The following PHACTR2 variants were observed in gnomAD, a reference collection of about 807,000 sequenced individuals.
PHACTR2 encodes phosphatase and actin regulator 2, also known as chromosome 6 open reading frame 56.
PHACTR2 carries 30 observed loss-of-function variants against 76.0 expected under a neutral mutation model. That is an observed-to-expected ratio of 0.39 (90% confidence interval 0.30 to 0.54). The LOEUF (loss-of-function observed/expected upper bound fraction) is 0.54. PHACTR2 is among the 20% of genes least tolerant of loss of function. The pLI is 0.61. For synonymous variants in PHACTR2, 292 were observed against 292.5 expected, an observed-to-expected ratio of 1.00 and a Z score of 0.02; for missense variants, 696 against 781.1, an observed-to-expected ratio of 0.89 and a Z score of 1.30.
At position 143,618,213 on chromosome 6, in the gene PHACTR2, G is replaced by A. The variant is rs183601652; in HGVS notation, c.13+9891G>A. ...TACCACAGGCGCCCTGCTTTTTAGT[G>A]ATAGAGAAATAGGTCCTGTTCCACC... On this transcript the variant is annotated intron_variant, in intron 1 of 11. Coordinates refer to the PHACTR2 transcript ENST00000305766. This position sits in a 1 kb window ranked among gnomAD's most constrained non-coding sequence, Gnocchi z 5.2. Among the ~76,000 whole-genome samples the A allele has an allele frequency of 5.9e-5, 9 of 151,896 alleles. No individual in the cohort carries two copies. Among genetic ancestry groups the A allele is most frequent in the Admixed American group, 5.9e-4 (9 of 15,232 alleles).
chr6:143,717,344 A>G (rs1778326693), intron 2 of PHACTR2, among the ~76,000 whole-genome samples: 1 of 152,128 alleles, frequency 6.6e-6, no homozygotes, highest in Admixed American at 6.5e-5. Flanking sequence ...TCCTGTTAGG[A>G]CATGTTTATT....
Position 143,807,282 on chromosome 6 carries a change from T to A in PHACTR2, c.1922+149T>A. On this transcript the variant is annotated intron_variant, in intron 12 of 12. Coordinates refer to ENST00000440869, the MANE Select transcript of PHACTR2 (RefSeq NM_001100164.2). The surrounding 1 kb of genome is among the most constrained non-coding windows in gnomAD (Gnocchi z 5.5). Reference sequence around the variant, plus strand: ...AAAAATGTTTTTAAACAGTTTAGCTTAAAACCATCTTATGAACATTTCCGC... The same window carrying A: ...AAAAATGTTTTTAAACAGTTTAGCTAAAAACCATCTTATGAACATTTCCGC... The A allele has an allele frequency of 1.7e-6, 1 of 582,394 alleles. No homozygotes were observed. The highest frequency in any genetic ancestry group is 3.1e-6 in the Non-Finnish European group (1 of 324,354). 36.1% of individuals were successfully genotyped at this position (582,394 alleles called of 1,614,324 possible).
Position 143,818,925 on chromosome 6 carries a change from CTT to C in PHACTR2, c.1923-4747_1923-4746del, listed in dbSNP as rs1776358445. Among the ~76,000 whole-genome samples the C allele has an allele frequency of 1.3e-5, 2 of 152,162 alleles. No homozygotes were observed. Among genetic ancestry groups the C allele is most frequent in the Non-Finnish European group, 2.9e-5 (2 of 68,022 alleles). The stretch of plus-strand genomic sequence containing the variant: ...TTGATTTAAGAGGTTTTCAGTTACT[CTT>C]TGAAATATTTTTATAGAACTTCCAT... On this transcript the variant is annotated intron_variant, in intron 12 of 12. Coordinates refer to ENST00000440869, the MANE Select transcript of PHACTR2 (RefSeq NM_001100164.2). This position sits in a 1 kb window ranked among gnomAD's most constrained non-coding sequence, Gnocchi z 4.9.
intron 1 of PHACTR2, among the ~76,000 whole-genome samples, chr6:143,566,569 G>A (rs1562238451): frequency 6.6e-6 from 1 of 152,270 alleles, no homozygotes; most frequent in East Asian, 1.9e-4. Context: ...TTTCCAAAGT[G>A]CTTGGATTAC....
chr6:143,743,383 G>A lies in PHACTR2; in HGVS notation c.215-5602G>A, dbSNP rs974350857. 1.3e-5 allele frequency among the ~76,000 whole-genome samples: 2 copies of A among 152,200 alleles called. No homozygotes were observed. The highest frequency in any genetic ancestry group is 2.9e-5 in the Non-Finnish European group (2 of 68,034). ...TTGGCTGCCGTTCCAAGTCCAGCTG[G>A]TTCCACAGACTGTAGAATTCTTTAG... On this transcript the variant is annotated intron_variant, in intron 2 of 12. Coordinates refer to ENST00000440869, the MANE Select transcript of PHACTR2 (RefSeq NM_001100164.2). This position sits in a 1 kb window ranked among gnomAD's most constrained non-coding sequence, Gnocchi z 5.0.
At chr6:143,564,185 G>A (rs1340858522) in intron 1 of PHACTR2, among the ~76,000 whole-genome samples, 4,266 of 55,870 alleles carry the variant, frequency 0.076, 210 homozygotes, top group Non-Finnish European at 0.12. Flanking sequence ...GTGTGTGTAT[G>A]TGTGTGTGTG....
chr6:143,622,534 C>A lies in PHACTR2; in HGVS notation c.13+14212C>A, dbSNP rs889436021. On this transcript the variant is annotated intron_variant, in intron 1 of 11. Transcript: ENST00000305766. ...CATGCTGGCTGACTCACTTCTTCTG[C>A]CATTGTTACCAAGCTACAGAATGTT... Among the ~76,000 whole-genome samples, 3 of 152,168 alleles carry A rather than the reference C, an allele frequency of 2.0e-5. 1 individual carries two copies. The highest frequency in any genetic ancestry group is 2.0e-4 in the Admixed American group (3 of 15,280).
chr6:143,594,721 T>C (rs1354233735), intron 1 of PHACTR2, among the ~76,000 whole-genome samples: 1 of 152,252 alleles, frequency 6.6e-6, no homozygotes, highest in Non-Finnish European at 1.5e-5. Context: ...GGCCTATACC[T>C]AGCCAGCCGC....
In PHACTR2 at chr6:143,765,591, C is replaced by T. The variant is rs759873838; in HGVS notation, c.1025C>T (p.Pro342Leu). Residue 342 changes from proline (P) to leucine (L), a missense_variant, in exon 6 of 13, where the codon CCA becomes CTA. Physicochemically the swap from Pro to Leu is moderately conservative, Grantham distance 98. This residue lies in a region of PHACTR2 where 460 missense variants were observed against 450.9 expected (regional missense o/e 1.02). Transcript: ENST00000440869. This position sits in a 1 kb window ranked among gnomAD's most constrained non-coding sequence, Gnocchi z 4.1. The part of the protein sequence containing the change: ...KSMVPPPPVA[P>L]APSPLAPPLP... Reference sequence around the variant, plus strand: ...ATGGTCCCTCCACCCCCTGTGGCTCCAGCACCTTCTCCTCTGGCCCCCCCT... The same window carrying T: ...ATGGTCCCTCCACCCCCTGTGGCTCTAGCACCTTCTCCTCTGGCCCCCCCT... 1 of 1,614,076 alleles carries T rather than the reference C, an allele frequency of 6.2e-7. No individual in the cohort carries two copies. Among genetic ancestry groups the T allele is most frequent in the South Asian group, 1.1e-5 (1 of 91,088 alleles).
rs1775272615 is a variant in PHACTR2, at chr6:143,561,365, T to G, written c.217+24158T>G. 6.6e-6 allele frequency: 1 copy of G among 152,284 alleles called. No individual in the cohort carries two copies. Among genetic ancestry groups the G allele is most frequent in the South Asian group, 2.1e-4 (1 of 4,830 alleles). The allele number at this position is 152,284 out of a possible 1,614,324, so 9.4% of individuals were successfully genotyped here. A position where few individuals can be genotyped will look rare whatever the true frequency, so the allele number is the denominator to read the frequency against. On this transcript the variant is annotated intron_variant, in intron 1 of 11. Transcript: ENST00000367584. This position sits in a 1 kb window ranked among gnomAD's most constrained non-coding sequence, Gnocchi z 4.1. Reference sequence around the variant, plus strand: ...CCCAGAAGATTAGGTTGTTGCTCAATGTTTGTTGAATGAATAACTGAATGT... The same window carrying G: ...CCCAGAAGATTAGGTTGTTGCTCAAGGTTTGTTGAATGAATAACTGAATGT...
intron 11 of PHACTR2, among the ~76,000 whole-genome samples, chr6:143,796,558 C>T (rs1775827984): frequency 6.6e-6 from 1 of 152,100 alleles, no homozygotes; most frequent in South Asian, 2.1e-4. Flanking sequence ...TTATCCCTCC[C>T]CTAGTCCCCC....
At position 143,547,886 on chromosome 6, in the gene PHACTR2, A is replaced by C. The variant is rs1335742977; in HGVS notation, c.217+10679A>C. 6.6e-6 allele frequency among the ~76,000 whole-genome samples: 1 copy of C among 151,838 alleles called. No homozygotes were observed. The highest frequency in any genetic ancestry group is 6.5e-5 in the Admixed American group (1 of 15,278). On this transcript the variant is annotated intron_variant, in intron 1 of 11. Coordinates refer to the PHACTR2 transcript ENST00000367584. The surrounding 1 kb of genome is among the most constrained non-coding windows in gnomAD (Gnocchi z 4.2). ...TATCTATGTATGTATGTATGTACGTATGTATCTATCTATCTATCTATCATC... is the reference window on the plus strand; with the variant it reads ...TATCTATGTATGTATGTATGTACGTCTGTATCTATCTATCTATCTATCATC...
At chr6:143,563,557 A>AAAAAAAAAAC (rs1775313413) in intron 1 of PHACTR2, among the ~76,000 whole-genome samples, 1 of 100,378 alleles carries the variant, frequency 1.0e-5, no homozygotes, top group Non-Finnish European at 2.0e-5. Context: ...GTCTCAAAAA[A>AAAAAAAAAAC]AAAAAAAAAA....
At position 143,655,899 on chromosome 6, in the gene PHACTR2, A is replaced by G. The variant is rs80084456; in HGVS notation, c.13+47577A>G. Among the ~76,000 whole-genome samples the G allele has an allele frequency of 3.6e-3, 551 of 152,366 alleles. 4 individuals carry two copies. The highest frequency in any genetic ancestry group is 0.013 in the African/African-American group (525 of 41,586). ...GTTTTCACTAAAGTTGCTTCCTACG[A>G]ATTGCCATGTGAGAAAAAGAAGAAA... On this transcript the variant is annotated intron_variant, in intron 1 of 11. Transcript: ENST00000305766.
rs371342328 is a variant in PHACTR2 at position 143,548,858 on chromosome 6, A to G, written c.217+11651A>G. Among the ~76,000 whole-genome samples, 9 of 151,984 alleles carry G rather than the reference A, an allele frequency of 5.9e-5. No homozygotes were observed. The highest frequency in any genetic ancestry group is 1.7e-4 in the African/African-American group (7 of 41,410). On this transcript the variant is annotated intron_variant, in intron 1 of 11. Coordinates refer to the PHACTR2 transcript ENST00000367584. This position sits in a 1 kb window ranked among gnomAD's most constrained non-coding sequence, Gnocchi z 4.5. The stretch of plus-strand genomic sequence containing the variant: ...GCATTTTTTTAACATAACAAAGTGG[A>G]TGTTTCATTGCACCATAGGTGTTTT...
At position 143,698,300 on chromosome 6, in the gene PHACTR2, G is replaced by A. The variant is rs989646853; in HGVS notation, c.47-13716G>A. Among the ~76,000 whole-genome samples the A allele has an allele frequency of 7.9e-5, 12 of 152,116 alleles. No homozygotes were observed. The highest frequency in any genetic ancestry group is 2.2e-4 in the African/African-American group (9 of 41,476). On this transcript the variant is annotated intron_variant, in intron 1 of 12. Coordinates refer to ENST00000440869, the MANE Select transcript of PHACTR2 (RefSeq NM_001100164.2). This position sits in a 1 kb window ranked among gnomAD's most constrained non-coding sequence, Gnocchi z 4.3. ...CCAAAATAGAACATCTCGCAAGTGG[G>A]GCATCCTCAATAACTATGTTAGAAA...
chr6:143,649,610 T>A (rs561284117), intron 1 of PHACTR2, among the ~76,000 whole-genome samples: 1 of 152,308 alleles, frequency 6.6e-6, no homozygotes, highest in South Asian at 2.1e-4. Context: ...ATTATCTCAA[T>A]AGATGCAGAA....
intron 1 of PHACTR2, among the ~76,000 whole-genome samples, chr6:143,631,768 T>C (rs1028138368): frequency 3.9e-5 from 6 of 152,174 alleles, no homozygotes; most frequent in Non-Finnish European, 7.4e-5. Context: ...ATTTTAGAAA[T>C]GTTGAGCTTC....
At chr6:143,716,426 A>G (rs1778302507) in intron 2 of PHACTR2, among the ~76,000 whole-genome samples, 1 of 152,156 alleles carries the variant, frequency 6.6e-6, no homozygotes, top group South Asian at 2.1e-4. Flanking sequence ...CCTGGCTTCA[A>G]GAAATCCTCC....
Sources: allele counts gnomAD v4.1 joint callset (sites outside exome capture counted in the v4.1 genomes callset), GRCh38; gene constraint gnomAD v4.1.1; regional missense constraint gnomAD v4.1.1; non-coding constraint Gnocchi (gnomAD v3.1); transcripts MANE v1.5; gene names NCBI Gene and HGNC (gene_info 2026-07-23, HGNC 2026-07-21).